PRICKLE1: variants seen among roughly 807,000 people sequenced by gnomAD.
PRICKLE1 encodes prickle-like protein 1.
In PRICKLE1, 14 loss-of-function variants were observed where a neutral mutation model predicts 70.2. The observed-to-expected ratio is 0.20, with a 90% confidence interval of 0.13 to 0.31. The LOEUF is 0.31. PRICKLE1 is among the 10% of genes least tolerant of loss of function. The pLI, the probability that PRICKLE1 is intolerant of heterozygous loss-of-function variation, is 1.00. For missense variants in PRICKLE1, 821 were observed against 1,026.2 expected (o/e 0.80, Z 2.73); for synonymous variants, 357 against 379.9 (o/e 0.94, Z 0.70).
intron 1 of PRICKLE1, among the ~76,000 whole-genome samples, chr12:42,516,319 A>G (rs970036055): frequency 2.6e-5 from 4 of 151,974 alleles, no homozygotes; most frequent in Non-Finnish European, 5.9e-5. Flanking sequence ...TTTTTAGTAG[A>G]GACGGGGTTC....
At position 42,479,711 on chromosome 12, in the gene PRICKLE1, C is replaced by G. The variant is rs549377770; in HGVS notation, c.-48-7147G>C. 6.4e-4 allele frequency among the ~76,000 whole-genome samples: 98 copies of G among 152,244 alleles called. 1 individual carries two copies. The South Asian group carries it at 0.02, about 31-fold the overall frequency. ...GTGGCTCATGCCTGTAATCCCAGCA[C>G]TATAGAGGCTAAGGTGGGTGGATTA... On this transcript the variant is annotated intron_variant, in intron 1 of 7. Coordinates refer to ENST00000345127, the MANE Select transcript of PRICKLE1 (RefSeq NM_153026.3).
intron 1 of PRICKLE1, among the ~76,000 whole-genome samples, chr12:42,504,996 C>T (rs940636143): frequency 6.6e-6 from 1 of 151,954 alleles, no homozygotes; most frequent in Admixed American, 6.6e-5. Flanking sequence ...AAAAATTAGC[C>T]GAGCGTGGTG....
intron 1 of PRICKLE1, chr12:42,524,905 G>A (rs1939775960): frequency 6.6e-6 from 1 of 152,190 alleles, no homozygotes; most frequent in Non-Finnish European, 1.5e-5. Context: ...TCTTTGTCCA[G>A]GTTTCCTGGC....
intron 1 of PRICKLE1, among the ~76,000 whole-genome samples, chr12:42,588,171 C>T (rs933368400): frequency 1.3e-5 from 2 of 151,742 alleles, no homozygotes; most frequent in Non-Finnish European, 1.5e-5. Context: ...AGCCGGACTA[C>T]GGCAAACATT....
chr12:42,495,590 CTTTTT>C (rs199502443), intron 1 of PRICKLE1, among the ~76,000 whole-genome samples: 43 of 144,954 alleles, frequency 3.0e-4, no homozygotes, highest in African/African-American at 1.1e-3. Flanking sequence ...ATTGAAGTTT[CTTTTT>C]TTTTTTTCTT....
At chr12:42,578,638 G>A (rs79370250) in intron 1 of PRICKLE1, among the ~76,000 whole-genome samples, 3 of 151,686 alleles carry the variant, frequency 2.0e-5, no homozygotes, top group East Asian at 1.9e-4. Flanking sequence ...CAGCTGGGGG[G>A]AAAAACCCAC....
At chr12:42,547,718 C>T (rs1279731469) in intron 1 of PRICKLE1, among the ~76,000 whole-genome samples, 2 of 152,034 alleles carry the variant, frequency 1.3e-5, no homozygotes, top group African/African-American at 2.4e-5. Flanking sequence ...CCAAGGTTCT[C>T]GGATTAACAA....
chr12:42,550,317 AG>A (rs34639895), intron 1 of PRICKLE1: 39,201 of 152,170 alleles, frequency 0.26, 6,120 homozygotes, highest in Admixed American at 0.4. Context: ...TGGGCAACAG[AG>A]CGAGACCTTA....
chr12:42,531,725 G>A (rs989392992), intron 1 of PRICKLE1, among the ~76,000 whole-genome samples: 1 of 152,202 alleles, frequency 6.6e-6, no homozygotes, highest in Admixed American at 6.5e-5. Flanking sequence ...CAGCTGAAAT[G>A]GTGCTTTTGA....
intron 7 of PRICKLE1, among the ~76,000 whole-genome samples, chr12:42,462,622 C>G (rs1027867965): frequency 4.6e-5 from 7 of 152,202 alleles, no homozygotes; most frequent in Admixed American, 3.9e-4. Flanking sequence ...CCGGCCTTAT[C>G]TTTGACAAGT....
intron 1 of PRICKLE1, among the ~76,000 whole-genome samples, chr12:42,529,365 A>G (rs1235440295): frequency 1.3e-5 from 2 of 152,256 alleles, no homozygotes; most frequent in South Asian, 2.1e-4. Context: ...AGAAATATAA[A>G]TGAATAGCCT....
chr12:42,525,467 T>C (rs1175991950), intron 1 of PRICKLE1, among the ~76,000 whole-genome samples: 1 of 152,164 alleles, frequency 6.6e-6, no homozygotes, highest in Non-Finnish European at 1.5e-5. Flanking sequence ...GCTACTGGCC[T>C]TGAAAGTGGG....
chr12:42,536,081 A>G (rs1248512667), intron 1 of PRICKLE1, among the ~76,000 whole-genome samples: 1 of 152,226 alleles, frequency 6.6e-6, no homozygotes, highest in Non-Finnish European at 1.5e-5. Flanking sequence ...CTGCACAGAA[A>G]TATCACCCAC....
chr12:42,534,839 AC>A (rs2120566411), intron 1 of PRICKLE1, among the ~76,000 whole-genome samples: 1 of 152,372 alleles, frequency 6.6e-6, no homozygotes, highest in East Asian at 1.9e-4. Flanking sequence ...CTACCTATGA[AC>A]AAAATACAAA....
intron 1 of PRICKLE1, among the ~76,000 whole-genome samples, chr12:42,572,452 TAAA>T (rs1249814217): frequency 1.4e-5 from 2 of 145,542 alleles, no homozygotes; most frequent in African/African-American, 5.6e-5. Context: ...AATAAATAAA[TAAA>T]TAAATAAATA....
chr12:42,553,294 A>T lies in PRICKLE1; in HGVS notation c.-49+36171T>A, dbSNP rs550832432. Among the ~76,000 whole-genome samples, 20 of 152,186 alleles carry T rather than the reference A, an allele frequency of 1.3e-4. No individual in the cohort carries two copies. The East Asian group carries it at 2.9e-3, about 22-fold the overall frequency. On this transcript the variant is annotated intron_variant, in intron 1 of 7. Coordinates refer to ENST00000345127, the MANE Select transcript of PRICKLE1 (RefSeq NM_153026.3). ...CCTGTCTCTACTAAAAATACAAAAA[A>T]TTAGCCGGGCGTGGTAGCGGGCACC... is the stretch of plus-strand genomic sequence containing the variant.
intron 1 of PRICKLE1, among the ~76,000 whole-genome samples, chr12:42,553,968 G>T (rs1277772274): frequency 2.0e-5 from 3 of 152,206 alleles, no homozygotes; most frequent in South Asian, 2.1e-4. Flanking sequence ...GTGGGGCATG[G>T]TGGCTGGCGC....
chr12:42,491,780 C>CTTTT (rs57837176), intron 1 of PRICKLE1, among the ~76,000 whole-genome samples: 3 of 124,488 alleles, frequency 2.4e-5, no homozygotes, highest in East Asian at 2.6e-4. Flanking sequence ...ACTGCTCCAT[C>CTTTT]TTTTTTTTTT....
chr12:42,463,232 G>A (rs1937930758), intron 7 of PRICKLE1, among the ~76,000 whole-genome samples: 1 of 152,162 alleles, frequency 6.6e-6, no homozygotes, highest in Middle Eastern at 3.2e-3. Flanking sequence ...CTGAGAGGCA[G>A]AGGTTATAGT....
Sources: allele counts gnomAD v4.1 joint callset (sites outside exome capture counted in the v4.1 genomes callset), GRCh38; gene constraint gnomAD v4.1.1; transcripts MANE v1.5; gene names NCBI Gene and HGNC (gene_info 2026-07-23, HGNC 2026-07-21).